Variants in PTH1R observed in about 807,000 individuals in gnomAD.
PTH1R encodes the protein parathyroid hormone/parathyroid hormone-related peptide receptor.
PTH1R carries 32 observed loss-of-function variants against 70.7 expected under a neutral mutation model. The ratio of observed to expected loss-of-function variants is 0.45; its 90% CI spans 0.34 to 0.61. PTH1R has a LOEUF of 0.61. Ranked by LOEUF, PTH1R falls within the 20% of genes least tolerant of loss-of-function variation. The pLI is 0.01. For synonymous variants in PTH1R, 329 were observed against 324.8 expected, an observed-to-expected ratio of 1.01 and a Z score of -0.14; for missense variants, 626 against 792.5, an observed-to-expected ratio of 0.79 and a Z score of 2.52.
In PTH1R at chr3:46,892,305, G is replaced by C. The variant is rs201120915; in HGVS notation, c.76-1602G>C. On this transcript the variant is annotated intron_variant, in intron 3 of 15. Coordinates refer to ENST00000449590, the MANE Select transcript of PTH1R (RefSeq NM_000316.3). The surrounding 1 kb of genome is among the most constrained non-coding windows in gnomAD (Gnocchi z 5.2). ...CTAAGGAGCTGCCGCCTCACTCACA[G>C]ACGCACACACGCCGCCCTATGCCCA... is the stretch of plus-strand genomic sequence containing the variant. Among the ~76,000 whole-genome samples, 5 of 152,310 alleles carry C rather than the reference G, an allele frequency of 3.3e-5. No homozygotes were observed. Among genetic ancestry groups the C allele is most frequent in the Non-Finnish European group, 7.3e-5 (5 of 68,028 alleles).
Position 46,902,949 on chromosome 3 carries a change from C to T in PTH1R, c.1395+159C>T. ...AGCAGAGAAGTCTTTCCAGATGATG[C>T]AGGTTCAGGATGTGCTAGGATGTGG... On this transcript the variant is annotated intron_variant, in intron 15 of 15. Coordinates refer to ENST00000449590, the MANE Select transcript of PTH1R (RefSeq NM_000316.3). The surrounding 1 kb of genome is among the most constrained non-coding windows in gnomAD (Gnocchi z 5.4). 8.6e-7 allele frequency: 1 copy of T among 1,160,772 alleles called. No individual in the cohort carries two copies. The allele number at this position is 1,160,772 out of a possible 1,614,324, so 71.9% of individuals were successfully genotyped here.
chr3:46,895,092 CAAA>C (rs149071173), intron 4 of PTH1R, among the ~76,000 whole-genome samples: 1 of 117,582 alleles, frequency 8.5e-6, no homozygotes, highest in Non-Finnish European at 1.8e-5. Flanking sequence ...AACAAACAAA[CAAA>C]AAAAAAAAAC....
intron 3 of PTH1R, among the ~76,000 whole-genome samples, chr3:46,888,872 C>T (rs1393880998): frequency 6.6e-6 from 1 of 152,238 alleles, no homozygotes; most frequent in Non-Finnish European, 1.5e-5. Context: ...GCTGGCTGGC[C>T]AGGATGAGAG....
rs756549745 is a variant in PTH1R, at chr3:46,898,734, C to T, written c.711C>T (p.Ile237=). 1.9e-6 allele frequency: 3 copies of T among 1,610,766 alleles called. No homozygotes were observed. Among genetic ancestry groups the T allele is most frequent in the Non-Finnish European group, 2.5e-6 (3 of 1,179,520 alleles). The change falls in exon 9 of 16, where the codon ATC becomes ATT. Residue 237 remains isoleucine (I), a synonymous_variant. Transcript: ENST00000449590. ...CCTTCATGCTGCGCGCCGTGAGCATCTTCGTCAAGGACGCTGTGCTCTACT... is the reference window on the plus strand; with the variant it reads ...CCTTCATGCTGCGCGCCGTGAGCATTTTCGTCAAGGACGCTGTGCTCTACT... ...FLSFMLRAVS[I]FVKDAVLYSG... is the part of the protein sequence containing the mutation.
Position 46,901,820 on chromosome 3 carries a change from G to C in PTH1R, c.1171G>C (p.Glu391Gln). ...CCGGGTGCTCGCCACCAAGCTGCGGGAGACCAACGCCGGCCGGTGTGACAC... is the reference window on the plus strand; with the variant it reads ...CCGGGTGCTCGCCACCAAGCTGCGGCAGACCAACGCCGGCCGGTGTGACAC... Reference protein sequence around the residue: ...IVRVLATKLRETNAGRCDTRQ... With the variant: ...IVRVLATKLRQTNAGRCDTRQ... The change falls in exon 13 of 16, where the codon GAG (glutamate) becomes CAG (glutamine). Residue 391 changes from glutamate to glutamine, a missense_variant. Glu to Gln is a conservative substitution (Grantham distance 29). Coordinates refer to ENST00000449590, the MANE Select transcript of PTH1R (RefSeq NM_000316.3). This position sits in a 1 kb window ranked among gnomAD's most constrained non-coding sequence, Gnocchi z 7.3. 1 of 1,614,084 alleles carries C rather than the reference G, an allele frequency of 6.2e-7. No homozygotes were observed. Among genetic ancestry groups the C allele is most frequent in the Non-Finnish European group, 8.5e-7 (1 of 1,180,016 alleles).
chr3:46,901,187 C>T lies in PTH1R; in HGVS notation c.1049+102C>T. 1 of 1,429,960 alleles carries T rather than the reference C, an allele frequency of 7.0e-7. No homozygotes were observed. The highest frequency in any genetic ancestry group is 9.6e-7 in the Non-Finnish European group (1 of 1,039,288). 88.6% of individuals were successfully genotyped at this position (1,429,960 alleles called of 1,614,324 possible). On this transcript the variant is annotated intron_variant, in intron 11 of 15. Coordinates refer to ENST00000449590, the MANE Select transcript of PTH1R (RefSeq NM_000316.3). This position sits in a 1 kb window ranked among gnomAD's most constrained non-coding sequence, Gnocchi z 7.3. Reference sequence around the variant, plus strand: ...CCTCCTGTACCCTGGCCTCAAACGGCCCAGCCTCAGGAGTTCTCAGTCCAG... The same window carrying T: ...CCTCCTGTACCCTGGCCTCAAACGGTCCAGCCTCAGGAGTTCTCAGTCCAG...
chr3:46,901,045 G>A lies in PTH1R; in HGVS notation c.1009G>A (p.Ala337Thr). 6.3e-7 allele frequency: 1 copy of A among 1,584,794 alleles called. No homozygotes were observed. Among genetic ancestry groups the A allele is most frequent in the South Asian group, 1.2e-5 (1 of 86,766 alleles). The change falls in exon 11 of 16, where the codon GCT (alanine) becomes ACT (threonine). Residue 337 changes from alanine to threonine, a missense_variant. Ala to Thr is a moderately conservative substitution (Grantham distance 58). Transcript: ENST00000449590. The surrounding 1 kb of genome is among the most constrained non-coding windows in gnomAD (Gnocchi z 7.3). Reference protein sequence around the residue: ...FGWGLPAVFVAVWVSVRATLA... With the variant: ...FGWGLPAVFVTVWVSVRATLA... ...CACAGGTCTGCCCGCTGTCTTCGTGGCTGTGTGGGTCAGTGTCAGAGCTAC... is the reference window on the plus strand; with the variant it reads ...CACAGGTCTGCCCGCTGTCTTCGTGACTGTGTGGGTCAGTGTCAGAGCTAC...
chr3:46,902,456 G>GT lies in PTH1R; in HGVS notation c.1212-69dup. On this transcript the variant is annotated intron_variant, in intron 13 of 15. Coordinates refer to ENST00000449590, the MANE Select transcript of PTH1R (RefSeq NM_000316.3). The surrounding 1 kb of genome is among the most constrained non-coding windows in gnomAD (Gnocchi z 5.4). Reference sequence around the variant, plus strand: ...GCTTCCGGAGCCTGGGGCTCGCAGGGTGGGGGGTGGCACAATGCTTGTTGA... The same window carrying GT: ...GCTTCCGGAGCCTGGGGCTCGCAGGGTTGGGGGGTGGCACAATGCTTGTTGA... The GT allele has an allele frequency of 1.9e-6, 3 of 1,586,068 alleles. No homozygotes were observed. The highest frequency in any genetic ancestry group is 2.6e-6 in the Non-Finnish European group (3 of 1,166,896).
rs370920541 is a variant in PTH1R, at chr3:46,903,517, T to C, written c.1643T>C (p.Leu548Pro). 1.7e-5 allele frequency: 27 copies of C among 1,613,610 alleles called. No individual in the cohort carries two copies. The highest frequency in any genetic ancestry group is 2.2e-5 in the Non-Finnish European group (26 of 1,179,978). Residue 548 changes from leucine to proline, a missense_variant, in exon 16 of 16, where the codon CTC (leucine) becomes CCC (proline). Physicochemically the swap from Leu to Pro is moderately conservative, Grantham distance 98. Transcript: ENST00000449590. The surrounding 1 kb of genome is among the most constrained non-coding windows in gnomAD (Gnocchi z 4.4). Reference sequence around the variant, plus strand: ...CCAGGGACCCCAGCCCTGGAGACCCTCGAGACCACACCACCTGCCATGGCT... The same window carrying C: ...CCAGGGACCCCAGCCCTGGAGACCCCCGAGACCACACCACCTGCCATGGCT... ...AKPGTPALETLETTPPAMAAP... is the reference protein window; with the variant it reads ...AKPGTPALETPETTPPAMAAP...
intron 9 of PTH1R, 145 bp from the exon 10 acceptor site, chr3:46,899,158 A>G: frequency 9.3e-7 from 1 of 1,078,820 alleles, no homozygotes; most frequent in Admixed American, 2.0e-5. Context: ...CATCCCCCTG[A>G]GAGAGCCCCC....
Position 46,884,974 on chromosome 3 carries a change from G to A in PTH1R, c.75+1340G>A, listed in dbSNP as rs2030920862. 6.6e-6 allele frequency among the ~76,000 whole-genome samples: 1 copy of A among 152,152 alleles called. No homozygotes were observed. Among genetic ancestry groups the A allele is most frequent in the African/African-American group, 2.4e-5 (1 of 41,416 alleles). ...CCCCACCAAAGACAGCCCCATACAA[G>A]GCCTTGTGGATGGGGAAACTGAGGT... On this transcript the variant is annotated intron_variant, in intron 3 of 15. Transcript: ENST00000449590. This position sits in a 1 kb window ranked among gnomAD's most constrained non-coding sequence, Gnocchi z 4.8.
Position 46,898,836 on chromosome 3 carries a change from TGC to T in PTH1R, c.814_815del (p.Ala272HisfsTer126). ...RAIAQAPPPP[A>X]TAAAGYAGCR... is the part of the protein sequence containing the mutation. ...CCATCGCCCAGGCGCCCCCGCCGCC[TGC>T]CACCGCCGCTGCCGGCTACGTGAGT... On this transcript the variant is annotated frameshift_variant, in exon 9 of 16. Coordinates refer to ENST00000449590, the MANE Select transcript of PTH1R (RefSeq NM_000316.3). LOFTEE classifies it high-confidence loss of function. 6.4e-7 allele frequency: 1 copy of T among 1,553,460 alleles called. No homozygotes were observed. Among genetic ancestry groups the T allele is most frequent in the Non-Finnish European group, 8.7e-7 (1 of 1,154,962 alleles).
intron 7 of PTH1R, 25 bp from the exon 8 acceptor site, chr3:46,898,353 C>T (rs1553642946): frequency 1.2e-6 from 2 of 1,610,690 alleles, no homozygotes; most frequent in South Asian, 1.1e-5. Flanking sequence ...AGGGCTCTGA[C>T]TGTGTCTCCC....
intron 5 of PTH1R, 98 bp from the exon 6 acceptor site, chr3:46,897,757 A>G: frequency 8.5e-7 from 1 of 1,174,546 alleles, no homozygotes; most frequent in Non-Finnish European, 1.3e-6. Context: ...AACAAAAACA[A>G]AAACAAACAA....
chr3:46,899,511 AGGGAGAGGGCAGCCCCT>A (rs1012555780), intron 10 of PTH1R, 55 bp downstream of exon 10: 157 of 1,582,006 alleles, frequency 9.9e-5, no homozygotes, highest in Middle Eastern at 6.9e-4. Flanking sequence ...CGTGGGTGAC[AGGGAGAGGGCAGCCCCT>A]GGGGGGAGGC....
intron 4 of PTH1R, among the ~76,000 whole-genome samples, chr3:46,895,204 C>T (rs1414016136): frequency 6.6e-6 from 1 of 152,118 alleles, no homozygotes; most frequent in African/African-American, 2.4e-5. Context: ...CTTGAGGATC[C>T]AGGGCAGGGG....
chr3:46,897,011 C>A (rs569030537), intron 5 of PTH1R, among the ~76,000 whole-genome samples: 1 of 152,190 alleles, frequency 6.6e-6, no homozygotes, highest in African/African-American at 2.4e-5. Flanking sequence ...GGGACACCTG[C>A]GTGAGGTCAG....
At position 46,902,987 on chromosome 3, in the gene PTH1R, C is replaced by T. The variant is rs1467643895; in HGVS notation, c.1395+197C>T. 15 of 973,878 alleles carry T rather than the reference C, an allele frequency of 1.5e-5. 1 individual carries two copies. Among genetic ancestry groups the T allele is most frequent in the South Asian group, 4.1e-5 (3 of 72,826 alleles). 60.3% of individuals were successfully genotyped at this position (973,878 alleles called of 1,614,324 possible). ...TGCTAGGATGTGGGGACTCTTCAGT[C>T]ACTGGCATAGCCAAGTGTCTTCCCA... is the stretch of plus-strand genomic sequence containing the variant. On this transcript the variant is annotated intron_variant, in intron 15 of 15. Coordinates refer to ENST00000449590, the MANE Select transcript of PTH1R (RefSeq NM_000316.3). This position sits in a 1 kb window ranked among gnomAD's most constrained non-coding sequence, Gnocchi z 5.4.
chr3:46,898,047 C>T (rs751481338), intron 6 of PTH1R, 27 bp from the exon 7 acceptor site: 78 of 1,612,936 alleles, frequency 4.8e-5, no homozygotes, highest in East Asian at 2.2e-5. Context: ...ACCTCCCTGC[C>T]GGCCCTGACC....
Sources: allele counts gnomAD v4.1 joint callset (sites outside exome capture counted in the v4.1 genomes callset), GRCh38; gene constraint gnomAD v4.1.1; non-coding constraint Gnocchi (gnomAD v3.1); transcripts MANE v1.5; gene names NCBI Gene and HGNC (gene_info 2026-07-23, HGNC 2026-07-21).